The following CNTNAP5 variants were observed in gnomAD, a reference collection of about 807,000 sequenced individuals.
The protein encoded by CNTNAP5 is contactin-associated protein-like 5.
CNTNAP5 carries 72 observed loss-of-function variants against 150.2 expected under a neutral mutation model. The ratio of observed to expected loss-of-function variants is 0.48; its 90% CI spans 0.40 to 0.58. The LOEUF (loss-of-function observed/expected upper bound fraction) is 0.58, where lower values mean the gene tolerates loss of function less well. Among genes scored for constraint, CNTNAP5 ranks in the 20% least tolerant of loss-of-function variants. CNTNAP5 has a pLI of 0.00. For synonymous variants in CNTNAP5, 672 were observed against 619.8 expected, an observed-to-expected ratio of 1.08 and a Z score of -1.25; for missense variants, 1,636 against 1,626.2, an observed-to-expected ratio of 1.01 and a Z score of -0.10.
chr2:124,652,642 G>T (rs543066316), intron 13 of CNTNAP5, among the ~76,000 whole-genome samples: 2 of 152,214 alleles, frequency 1.3e-5, no homozygotes, highest in South Asian at 2.1e-4. Flanking sequence ...ATGGAGAGGG[G>T]TATAGCAAGT....
intron 1 of CNTNAP5, among the ~76,000 whole-genome samples, chr2:124,138,493 T>C (rs1259759113): frequency 6.6e-6 from 1 of 152,180 alleles, no homozygotes; most frequent in African/African-American, 2.4e-5. Context: ...GTGATATGTA[T>C]GTATGCCTTT....
chr2:124,284,701 A>G (rs1688102485), intron 3 of CNTNAP5, among the ~76,000 whole-genome samples: 1 of 152,208 alleles, frequency 6.6e-6, no homozygotes, highest in South Asian at 2.1e-4. Context: ...GGCAGGTCTT[A>G]ATAGAGACTA....
intron 13 of CNTNAP5, among the ~76,000 whole-genome samples, chr2:124,688,008 G>A (rs1679227856): frequency 6.6e-6 from 1 of 151,988 alleles, no homozygotes; most frequent in Admixed American, 6.6e-5. Flanking sequence ...ATCAAAAGCA[G>A]GTGAGAATCC....
chr2:124,446,525 A>C (rs1692820924), intron 5 of CNTNAP5, among the ~76,000 whole-genome samples: 1 of 152,196 alleles, frequency 6.6e-6, no homozygotes, highest in African/African-American at 2.4e-5. Flanking sequence ...CAAGTCTTGA[A>C]AACATGCCCT....
intron 13 of CNTNAP5, among the ~76,000 whole-genome samples, chr2:124,746,106 C>G (rs1680597807): frequency 6.6e-6 from 1 of 152,128 alleles, no homozygotes; most frequent in Non-Finnish European, 1.5e-5. Context: ...TAAAGTGGCC[C>G]TTAATAAATA....
chr2:124,607,841 C>T (rs1677287463), intron 11 of CNTNAP5, among the ~76,000 whole-genome samples: 1 of 152,152 alleles, frequency 6.6e-6, no homozygotes, highest in African/African-American at 2.4e-5. Flanking sequence ...CTGATTTTCA[C>T]CTTTGTGACA....
At chr2:124,066,249 G>C (rs1176622252) in intron 1 of CNTNAP5, among the ~76,000 whole-genome samples, 1 of 152,170 alleles carries the variant, frequency 6.6e-6, no homozygotes, top group Non-Finnish European at 1.5e-5. Flanking sequence ...ACTCTGGACT[G>C]TTTCTGTTTA....
At chr2:124,030,972 G>T (rs975997204) in intron 1 of CNTNAP5, among the ~76,000 whole-genome samples, 3 of 152,060 alleles carry the variant, frequency 2.0e-5, no homozygotes, top group African/African-American at 7.2e-5. Flanking sequence ...ATCTGGCTCT[G>T]CTAAACCTCA....
In CNTNAP5 at chr2:124,767,741, G is replaced by A. The variant is rs183013013; in HGVS notation, c.2533+3594G>A. 3.5e-3 allele frequency among the ~76,000 whole-genome samples: 538 copies of A among 152,296 alleles called. 1 individual carries two copies. The highest frequency in any genetic ancestry group is 6.3e-3 in the Non-Finnish European group (431 of 68,028). ...AGAATGGGAATTCACTGGTACTGGA[G>A]CATGTGACTAAGCCCAGAGGAGGTA... is the stretch of plus-strand genomic sequence containing the variant. On this transcript the variant is annotated intron_variant, in intron 16 of 23. Coordinates refer to ENST00000682447, the MANE Select transcript of CNTNAP5 (RefSeq NM_001367498.1).
intron 3 of CNTNAP5, among the ~76,000 whole-genome samples, chr2:124,295,009 G>C (rs556893274): frequency 5.9e-5 from 9 of 152,146 alleles, no homozygotes; most frequent in African/African-American, 1.9e-4. Context: ...CGGAGGCTGA[G>C]GCATGGGAAT....
At chr2:124,708,327 G>C (rs1250770043) in intron 13 of CNTNAP5, among the ~76,000 whole-genome samples, 1 of 152,164 alleles carries the variant, frequency 6.6e-6, no homozygotes, top group Non-Finnish European at 1.5e-5. Flanking sequence ...AATAGAGCTG[G>C]AGCAGTGGAA....
chr2:124,059,900 T>C (rs1461936839), intron 1 of CNTNAP5, among the ~76,000 whole-genome samples: 1 of 152,190 alleles, frequency 6.6e-6, no homozygotes, highest in Non-Finnish European at 1.5e-5. Context: ...GCCAACATGA[T>C]ATTATGAAAG....
At chr2:124,867,675 C>T (rs543077723) in intron 20 of CNTNAP5, among the ~76,000 whole-genome samples, 11 of 150,724 alleles carry the variant, frequency 7.3e-5, no homozygotes, top group East Asian at 3.9e-4. Flanking sequence ...ACTCTCAGAA[C>T]GCCCAAGGAC....
chr2:124,736,519 C>T (rs771239368), intron 13 of CNTNAP5, among the ~76,000 whole-genome samples: 6 of 152,200 alleles, frequency 3.9e-5, no homozygotes, highest in Admixed American at 6.5e-5. Flanking sequence ...TGTTTTATAT[C>T]GGTTTGTTTA....
intron 3 of CNTNAP5, among the ~76,000 whole-genome samples, chr2:124,318,839 T>C (rs1472194441): frequency 6.6e-6 from 1 of 152,098 alleles, no homozygotes; most frequent in Non-Finnish European, 1.5e-5. Context: ...CCTCCCTCTA[T>C]TTCTCTCCAG....
chr2:124,312,848 G>A (rs1287140093), intron 3 of CNTNAP5, among the ~76,000 whole-genome samples: 1 of 152,220 alleles, frequency 6.6e-6, no homozygotes, highest in Non-Finnish European at 1.5e-5. Flanking sequence ...GGGATTACAG[G>A]CGTGAGCCAC....
At chr2:124,211,523 AACAC>A (rs3063440) in intron 1 of CNTNAP5, among the ~76,000 whole-genome samples, 2 of 149,786 alleles carry the variant, frequency 1.3e-5, no homozygotes, top group South Asian at 2.1e-4. Context: ...CACACACACA[AACAC>A]ACACACACAC....
At chr2:124,397,926 A>G (rs1443958026) in intron 3 of CNTNAP5, among the ~76,000 whole-genome samples, 1 of 152,202 alleles carries the variant, frequency 6.6e-6, no homozygotes, top group Non-Finnish European at 1.5e-5. Flanking sequence ...TTGCCATCAG[A>G]CTTCACATTT....
chr2:124,567,835 T>TGATAGATA (rs10685444), intron 11 of CNTNAP5, among the ~76,000 whole-genome samples: 4,773 of 132,858 alleles, frequency 0.036, 84 homozygotes, highest in Non-Finnish European at 0.038. Context: ...AGGGCATAGA[T>TGATAGATA]GATAGATAGA....
Sources: allele counts gnomAD v4.1 joint callset (sites outside exome capture counted in the v4.1 genomes callset), GRCh38; gene constraint gnomAD v4.1.1; transcripts MANE v1.5; gene names NCBI Gene and HGNC (gene_info 2026-07-23, HGNC 2026-07-21).